TLK1: variants seen among roughly 807,000 people sequenced by gnomAD.
The protein encoded by TLK1 is serine/threonine-protein kinase tousled-like 1.
A neutral mutation model predicts 105.3 loss-of-function variants in TLK1; 24 were observed. The ratio of observed to expected loss-of-function variants is 0.23; its 90% CI spans 0.17 to 0.32. The LOEUF is 0.32. Ranked by LOEUF, TLK1 falls within the 10% of genes least tolerant of loss-of-function variation. The pLI, the probability that TLK1 is intolerant of heterozygous loss-of-function variation, is 1.00. For missense variants in TLK1, 558 were observed against 910.5 expected (o/e 0.61, Z 4.98); for synonymous variants, 321 against 310.4 (o/e 1.03, Z -0.36).
At chr2:171,071,041 T>C (rs1394914763) in intron 3 of TLK1, among the ~76,000 whole-genome samples, 1 of 152,210 alleles carries the variant, frequency 6.6e-6, no homozygotes, top group Non-Finnish European at 1.5e-5. Flanking sequence ...GGGCACCTTT[T>C]CATCAAGTTG....
chr2:171,134,793 C>G (rs1691241670), intron 1 of TLK1, among the ~76,000 whole-genome samples: 1 of 141,324 alleles, frequency 7.1e-6, no homozygotes, highest in South Asian at 2.2e-4. Context: ...AGCAGTAGTG[C>G]CATCACAGCT....
At chr2:171,217,116 C>T (rs527264112) in intron 1 of TLK1, among the ~76,000 whole-genome samples, 1 of 152,280 alleles carries the variant, frequency 6.6e-6, no homozygotes, top group East Asian at 1.9e-4. Context: ...GAACAGGAGT[C>T]CCACTTGTTA....
intron 19 of TLK1, among the ~76,000 whole-genome samples, chr2:170,997,217 T>C (rs1333804400): frequency 6.6e-6 from 1 of 152,114 alleles, no homozygotes; most frequent in African/African-American, 2.4e-5. Context: ...TCTTCCCCTA[T>C]TGATGAAGGG....
At position 171,094,758 on chromosome 2, in the gene TLK1, G is replaced by A. The variant is rs1346435268; in HGVS notation, c.259-11906C>T. Among the ~76,000 whole-genome samples, 20 of 152,176 alleles carry A rather than the reference G, an allele frequency of 1.3e-4. No homozygotes were observed. The East Asian group carries it at 2.5e-3, about 19-fold the overall frequency. ...CGAGTAGCTGCGATTACAGGCATGC[G>A]CCACCATGCCTGGCTAATTTTGTAT... is the stretch of plus-strand genomic sequence containing the variant. On this transcript the variant is annotated intron_variant, in intron 2 of 20. Transcript: ENST00000431350.
intron 1 of TLK1, among the ~76,000 whole-genome samples, chr2:171,194,817 A>AG (rs760247845): frequency 1.1e-5 from 1 of 94,358 alleles, no homozygotes; most frequent in Admixed American, 9.9e-5. Context: ...ACTCCGTCTC[A>AG]GGGAAAAAAA....
rs113322746 is a variant in TLK1 at position 171,160,733 on chromosome 2, G to T, written c.-305C>A. 33 of 450,664 alleles carry T rather than the reference G, an allele frequency of 7.3e-5. No individual in the cohort carries two copies. The highest frequency in any genetic ancestry group is 1.1e-4 in the East Asian group (3 of 28,214). The allele number at this position is 450,664 out of a possible 1,614,324, so 27.9% of individuals were successfully genotyped here. ...GAGGCGTCGAGGGGGTGCCAGCCGGGCCGGGGTCGGAGCGCGGGCGGAGCG... is the reference window on the plus strand; with the variant it reads ...GAGGCGTCGAGGGGGTGCCAGCCGGTCCGGGGTCGGAGCGCGGGCGGAGCG... On this transcript the variant is annotated 5_prime_UTR_variant, in exon 1 of 21. Transcript: ENST00000431350. This position sits in a 1 kb window ranked among gnomAD's most constrained non-coding sequence, Gnocchi z 4.4.
Position 171,084,482 on chromosome 2 carries a change from G to A in TLK1, c.259-1630C>T, listed in dbSNP as rs528015632. 9.9e-5 allele frequency among the ~76,000 whole-genome samples: 15 copies of A among 152,274 alleles called. No homozygotes were observed. The South Asian group carries it at 2.7e-3, about 27-fold the overall frequency. On this transcript the variant is annotated intron_variant, in intron 2 of 20. Coordinates refer to ENST00000431350, the MANE Select transcript of TLK1 (RefSeq NM_012290.5). ...GAGGGAACACAGCCTAGCAATCTCA[G>A]AAAGCAAATGCCACAGTTTTGAAGC...
Position 170,992,857 on chromosome 2 carries a change from T to G in TLK1, c.*923A>C, listed in dbSNP as rs950113927. 19 of 152,638 alleles carry G rather than the reference T, an allele frequency of 1.2e-4. No individual in the cohort carries two copies. The highest frequency in any genetic ancestry group is 2.4e-4 in the Non-Finnish European group (16 of 68,026). 9.5% of individuals were successfully genotyped at this position (152,638 alleles called of 1,614,324 possible). On this transcript the variant is annotated 3_prime_UTR_variant, in exon 21 of 21. Coordinates refer to ENST00000431350, the MANE Select transcript of TLK1 (RefSeq NM_012290.5). ...AAACATTTGTACAAGAATAAGCTGC[T>G]GAAACTTAGTAATTGAAATATGACA...
chr2:171,132,982 AAC>A, intron 1 of TLK1, among the ~76,000 whole-genome samples: 1 of 152,378 alleles, frequency 6.6e-6, no homozygotes, highest in South Asian at 2.1e-4. Context: ...CTTGAAGATT[AAC>A]ACAACACTAA....
chr2:171,065,658 C>T (rs1035814718), intron 3 of TLK1, among the ~76,000 whole-genome samples: 1 of 152,106 alleles, frequency 6.6e-6, no homozygotes, highest in African/African-American at 2.4e-5. Flanking sequence ...CTGCCTCAGC[C>T]TCCCAAGTAG....
chr2:171,000,221 C>CA (rs1372793956), intron 18 of TLK1, among the ~76,000 whole-genome samples: 1 of 151,576 alleles, frequency 6.6e-6, no homozygotes, highest in African/African-American at 2.4e-5. Flanking sequence ...ACTAAAAATA[C>CA]AAAAAAATTA....
intron 2 of TLK1, among the ~76,000 whole-genome samples, chr2:171,106,296 C>G (rs1689920663): frequency 6.6e-6 from 1 of 152,078 alleles, no homozygotes; most frequent in Admixed American, 6.5e-5. Flanking sequence ...CTATAATTAA[C>G]AACAATTTAT....
intron 1 of TLK1, among the ~76,000 whole-genome samples, chr2:171,201,836 A>G (rs756971752): frequency 3.3e-5 from 5 of 152,208 alleles, no homozygotes; most frequent in Admixed American, 1.3e-4. Flanking sequence ...TGAGAACCTC[A>G]GCTCTGTGGG....
chr2:171,140,875 G>A (rs1012619173), intron 1 of TLK1, among the ~76,000 whole-genome samples: 9 of 152,138 alleles, frequency 5.9e-5, no homozygotes, highest in Non-Finnish European at 8.8e-5. Context: ...TAAGTATGCT[G>A]AGTAGTTAAC....
chr2:171,098,869 T>C (rs922637710), intron 2 of TLK1, among the ~76,000 whole-genome samples: 1 of 152,018 alleles, frequency 6.6e-6, no homozygotes, highest in South Asian at 2.1e-4. Context: ...TGAACAGACA[T>C]AGAAAAAATG....
chr2:171,066,962 A>C, intron 3 of TLK1: 2 of 1,541,392 alleles, frequency 1.3e-6, no homozygotes, highest in South Asian at 2.4e-5. Context: ...GCATTTTGAA[A>C]GTGCTTGTAA....
At chr2:171,155,975 A>ACGTCTCCCAAC (rs1427996444) in intron 1 of TLK1, among the ~76,000 whole-genome samples, 1 of 152,152 alleles carries the variant, frequency 6.6e-6, no homozygotes, top group African/African-American at 2.4e-5. Context: ...GACAGCTATC[A>ACGTCTCCCAAC]CGTCTCCCAA....
chr2:171,016,120 G>A (rs1685199846), intron 12 of TLK1, among the ~76,000 whole-genome samples: 1 of 151,988 alleles, frequency 6.6e-6, no homozygotes, highest in Non-Finnish European at 1.5e-5. Flanking sequence ...TAAAAAAAAA[G>A]GATAAGCCTG....
At chr2:171,094,239 G>C (rs1006349179) in intron 2 of TLK1, among the ~76,000 whole-genome samples, 1 of 152,126 alleles carries the variant, frequency 6.6e-6, no homozygotes, top group Non-Finnish European at 1.5e-5. Flanking sequence ...AGCACTGCTA[G>C]AAATGAAATT....
Sources: allele counts gnomAD v4.1 joint callset (sites outside exome capture counted in the v4.1 genomes callset), GRCh38; gene constraint gnomAD v4.1.1; non-coding constraint Gnocchi (gnomAD v3.1); transcripts MANE v1.5; gene names NCBI Gene and HGNC (gene_info 2026-07-23, HGNC 2026-07-21).